Variants in GCM2 observed in about 807,000 individuals in gnomAD.
GCM2 encodes the protein chorion-specific transcription factor GCMb.
GCM2 carries 21 observed loss-of-function variants against 24.8 expected under a neutral mutation model. The ratio of observed to expected loss-of-function variants is 0.85; its 90% CI spans 0.60 to 1.22. The LOEUF is 1.22. GCM2 is among the 50% of genes most tolerant of loss of function. The pLI is 0.00. For missense variants in GCM2, 532 were observed against 645.6 expected (o/e 0.82, Z 1.91); for synonymous variants, 222 against 238.0 (o/e 0.93, Z 0.62).
At chr6:10,876,368 A>G in intron 3 of GCM2, 77 bp downstream of exon 3, 1 of 982,362 alleles carries the variant, frequency 1.0e-6, no homozygotes, top group Admixed American at 1.8e-5. Flanking sequence ...AGGGTTCCCA[A>G]GGCACACGAC....
Position 10,874,281 on chromosome 6 carries a change from G to A in GCM2, c.1235C>T (p.Ser412Leu), listed in dbSNP as rs146478181. The change falls in exon 5 of 5, where the codon TCG becomes TTG. Residue 412 changes from serine (S) to leucine (L), a missense_variant. Ser to Leu is a moderately radical substitution (Grantham distance 145). Coordinates refer to ENST00000379491, the MANE Select transcript of GCM2 (RefSeq NM_004752.4). ...SDSVREVKSL[S>L]SCNYAPEDTG... ...ATCTTCAGGAGCATAGTTACAGCTC[G>A]AAAGGCTCTTCACCTCTCGCACACT... is the stretch of plus-strand genomic sequence containing the variant. 41 of 1,614,206 alleles carry A rather than the reference G, an allele frequency of 2.5e-5. No individual in the cohort carries two copies. Among genetic ancestry groups the A allele is most frequent in the South Asian group, 2.4e-4 (22 of 91,082 alleles).
chr6:10,874,250 C>T lies in GCM2; in HGVS notation c.1266G>A (p.Gly422=). The T allele has an allele frequency of 1.2e-6, 2 of 1,614,180 alleles. No individual in the cohort carries two copies. Among genetic ancestry groups the T allele is most frequent in the Non-Finnish European group, 1.7e-6 (2 of 1,180,034 alleles). The part of the protein sequence containing the change: ...SSCNYAPEDT[G]MSVYPEPWGP... ...CCCAGGGTTCTGGATAGACAGACAT[C>T]CCAGTATCTTCAGGAGCATAGTTAC... Residue 422 remains glycine (G), a synonymous_variant, in exon 5 of 5, where the codon GGG becomes GGA. Coordinates refer to ENST00000379491, the MANE Select transcript of GCM2 (RefSeq NM_004752.4).
Position 10,881,846 on chromosome 6 carries a change from A to C in GCM2, c.-53T>G. 4.9e-6 allele frequency: 7 copies of C among 1,432,948 alleles called. No homozygotes were observed. The highest frequency in any genetic ancestry group is 6.8e-6 in the Non-Finnish European group (7 of 1,027,802). The allele number at this position is 1,432,948 out of a possible 1,614,324, so 88.8% of individuals were successfully genotyped here. A position where few individuals can be genotyped will look rare whatever the true frequency, so the allele number is the denominator to read the frequency against. ...CAGGGTTCTGAAAAATAGAAGAAAAAAGGACAGGTGCGCCAGGTGGGTTTT... is the reference window on the plus strand; with the variant it reads ...CAGGGTTCTGAAAAATAGAAGAAAACAGGACAGGTGCGCCAGGTGGGTTTT... On this transcript the variant is annotated 5_prime_UTR_variant, in exon 1 of 5. Coordinates refer to ENST00000379491, the MANE Select transcript of GCM2 (RefSeq NM_004752.4).
At position 10,874,118 on chromosome 6, in the gene GCM2, C is replaced by T. The variant is rs537546612; in HGVS notation, c.1398G>A (p.Glu466=). Residue 466 remains glutamate (E), a synonymous_variant, in exon 5 of 5, where the codon GAG becomes GAA. Coordinates refer to ENST00000379491, the MANE Select transcript of GCM2 (RefSeq NM_004752.4). ...AIRPTVAIPH[E]PVSSRTDEAE... ...CTTCATCTGTCCTAGAGGAAACTGG[C>T]TCGTGGGGAATAGCCACAGTGGGTC... is the stretch of plus-strand genomic sequence containing the variant. 1.9e-6 allele frequency: 3 copies of T among 1,614,182 alleles called. No homozygotes were observed. The South Asian group carries it at 3.3e-5, about 18-fold the overall frequency.
chr6:10,877,077 AAACAACAAC>A (rs931698636), intron 2 of GCM2, 54 bp downstream of exon 2: 231 of 1,590,896 alleles, frequency 1.5e-4, no homozygotes, highest in Non-Finnish European at 1.5e-4. Context: ...AAACAAACAA[AAACAACAAC>A]AACAAAAAAC....
At chr6:10,876,615 A>G in intron 2 of GCM2, 58 bp from the exon 3 acceptor site, 1 of 1,194,514 alleles carries the variant, frequency 8.4e-7, no homozygotes, top group Admixed American at 1.7e-5. Context: ...CTGAAGGAAG[A>G]AGGGGAAAAT....
chr6:10,878,245 T>C (rs7746464), intron 1 of GCM2, among the ~76,000 whole-genome samples: 2,125 of 152,340 alleles, frequency 0.014, 52 homozygotes, highest in African/African-American at 0.049. Flanking sequence ...GTCAATTTAA[T>C]GCATTATTTA....
At position 10,874,423 on chromosome 6, in the gene GCM2, G is replaced by A. The variant is rs776581807; in HGVS notation, c.1093C>T (p.Pro365Ser). ...GGTGGAGTCGTGAGGTACCTGCAGG[G>A]AAGCTCTGGGTTATAATAAGGGCGA... is the stretch of plus-strand genomic sequence containing the variant. ...ATRPYYNPEL[P>S]CRYLTTPPPG... The change falls in exon 5 of 5, where the codon CCC becomes TCC. Residue 365 changes from proline (P) to serine (S), a missense_variant. This residue lies in a region of GCM2 where 434 missense variants were observed against 521.9 expected (regional missense o/e 0.83). Coordinates refer to ENST00000379491, the MANE Select transcript of GCM2 (RefSeq NM_004752.4). 4 of 1,614,234 alleles carry A rather than the reference G, an allele frequency of 2.5e-6. No homozygotes were observed. The East Asian group carries it at 8.9e-5, about 36-fold the overall frequency.
intron 1 of GCM2, among the ~76,000 whole-genome samples, chr6:10,881,380 A>G (rs1441742939): frequency 6.6e-6 from 1 of 150,536 alleles, no homozygotes; most frequent in Non-Finnish European, 1.5e-5. Context: ...CTGGTCTTGA[A>G]CTCCCGACCT....
chr6:10,876,985 C>G (rs926203982), intron 2 of GCM2, among the ~76,000 whole-genome samples, 155 bp downstream of exon 2: 2 of 152,242 alleles, frequency 1.3e-5, no homozygotes, highest in Non-Finnish European at 2.9e-5. Flanking sequence ...ATCGCTTGAA[C>G]CCGGGAGGCG....
rs1306601548 is a variant in GCM2, at chr6:10,881,940, G to A, written c.-147C>T. On this transcript the variant is annotated 5_prime_UTR_variant, in exon 1 of 5. Transcript: ENST00000379491. ...GTGCAGAGAGAGAGAAAGAGAGAGA[G>A]GCTGTTTAGATATCTGGAAGCTGGG... 40 of 709,722 alleles carry A rather than the reference G, an allele frequency of 5.6e-5. No individual in the cohort carries two copies. Among genetic ancestry groups the A allele is most frequent in the Non-Finnish European group, 2.7e-5 (11 of 400,990 alleles). 44.0% of individuals were successfully genotyped at this position (709,722 alleles called of 1,614,324 possible). A position where few individuals can be genotyped will look rare whatever the true frequency, so the allele number is the denominator to read the frequency against.
At chr6:10,875,093 A>G (rs946376919) in intron 4 of GCM2, among the ~76,000 whole-genome samples, 160 bp from the exon 5 acceptor site, 4 of 152,214 alleles carry the variant, frequency 2.6e-5, no homozygotes, top group Non-Finnish European at 4.4e-5. Flanking sequence ...CACGTGGTCC[A>G]GGGGTTGCTA....
At position 10,873,626 on chromosome 6, in the gene GCM2, A is replaced by G. The variant is rs1372294169; in HGVS notation, c.*369T>C. The G allele has an allele frequency of 3.3e-6, 1 of 304,344 alleles. No individual in the cohort carries two copies. Among genetic ancestry groups the G allele is most frequent in the South Asian group, 3.4e-5 (1 of 29,370 alleles). 18.9% of individuals were successfully genotyped at this position (304,344 alleles called of 1,614,324 possible). On this transcript the variant is annotated 3_prime_UTR_variant, in exon 5 of 5. Transcript: ENST00000379491. ...AGCCTCTAGGGATGTGAAATTCCCTAAGGTGCTCTAATGGGAAAAGTCCTA... is the reference window on the plus strand; with the variant it reads ...AGCCTCTAGGGATGTGAAATTCCCTGAGGTGCTCTAATGGGAAAAGTCCTA...
chr6:10,880,350 A>C (rs539725367), intron 1 of GCM2, among the ~76,000 whole-genome samples: 78 of 152,324 alleles, frequency 5.1e-4, no homozygotes, highest in African/African-American at 1.8e-3. Flanking sequence ...TGGATCCAAA[A>C]AAGTGCTGAC....
chr6:10,881,333 T>A (rs1779954437), intron 1 of GCM2, among the ~76,000 whole-genome samples: 2 of 152,162 alleles, frequency 1.3e-5, no homozygotes, highest in East Asian at 3.9e-4. Flanking sequence ...TGATTTTGTA[T>A]TTTTGGTAGA....
rs533068340 is a variant in GCM2, at chr6:10,880,138, C to T, written c.90+1566G>A. On this transcript the variant is annotated intron_variant, in intron 1 of 4. Coordinates refer to ENST00000379491, the MANE Select transcript of GCM2 (RefSeq NM_004752.4). ...GGCGTGGTGGCGCATGCTTGTAGTCCCAGCTACTCGGGAAGCTGAGGCAAG... is the reference window on the plus strand; with the variant it reads ...GGCGTGGTGGCGCATGCTTGTAGTCTCAGCTACTCGGGAAGCTGAGGCAAG... 2.6e-5 allele frequency among the ~76,000 whole-genome samples: 4 copies of T among 152,186 alleles called. No homozygotes were observed. The South Asian group carries it at 8.3e-4, about 32-fold the overall frequency.
At position 10,874,635 on chromosome 6, in the gene GCM2, T is replaced by A. The variant is rs199951598; in HGVS notation, c.881A>T (p.Asp294Val). 6.2e-7 allele frequency: 1 copy of A among 1,614,218 alleles called. No homozygotes were observed. The highest frequency in any genetic ancestry group is 2.2e-5 in the East Asian group (1 of 44,874). The change falls in exon 5 of 5, where the codon GAT (aspartate) becomes GTT (valine). Residue 294 changes from aspartate to valine, a missense_variant. By Grantham distance (152) the Asp-to-Val change is radical. This residue lies in a region of GCM2 where 434 missense variants were observed against 521.9 expected (regional missense o/e 0.83). Coordinates refer to ENST00000379491, the MANE Select transcript of GCM2 (RefSeq NM_004752.4). Reference protein sequence around the residue: ...NSSPYPTLYKDSTSIPNDTDW... With the variant: ...NSSPYPTLYKVSTSIPNDTDW... Reference sequence around the variant, plus strand: ...TGTGTCATTAGGGATACTGGTGGAATCCTTATAAAGGGTGGGATATGGGCT... The same window carrying A: ...TGTGTCATTAGGGATACTGGTGGAAACCTTATAAAGGGTGGGATATGGGCT...
rs150244671 is a variant in GCM2, at chr6:10,877,303, G to T, written c.180C>A (p.His60Gln). 6.2e-7 allele frequency: 1 copy of T among 1,614,212 alleles called. No individual in the cohort carries two copies. The highest frequency in any genetic ancestry group is 8.5e-7 in the Non-Finnish European group (1 of 1,180,040). ...TGTTGCGCATGGCCCAGCCGCTCAG[G>T]TGACGCTGTGCCTTCTTCTCATCGC... ...YSSDEKKAQRHLSGWAMRNTN... is the reference protein window; with the variant it reads ...YSSDEKKAQRQLSGWAMRNTN... Residue 60 changes from histidine to glutamine, a missense_variant, in exon 2 of 5, where the codon CAC becomes CAA. Transcript: ENST00000379491.
Position 10,874,926 on chromosome 6 carries a change from T to C in GCM2, c.590A>G (p.Glu197Gly). Reference sequence around the variant, plus strand: ...GAAATGACCACTGCTGTCTTGATTTTCTTCTGCCTAGAAAAATGATACAAA... The same window carrying C: ...GAAATGACCACTGCTGTCTTGATTTCCTTCTGCCTAGAAAAATGATACAAA... ...KKRIRESEAE[E>G]NQDSSGHFSN... Residue 197 changes from glutamate to glycine, a missense_variant, in exon 5 of 5, where the codon GAA becomes GGA. Around this residue, in one of 3 missense-constraint regions of GCM2, gnomAD observed 434 missense variants for 521.9 expected, o/e 0.83. Transcript: ENST00000379491. 1 of 1,610,344 alleles carries C rather than the reference T, an allele frequency of 6.2e-7. No individual in the cohort carries two copies.
Sources: allele counts gnomAD v4.1 joint callset (sites outside exome capture counted in the v4.1 genomes callset), GRCh38; gene constraint gnomAD v4.1.1; regional missense constraint gnomAD v4.1.1; transcripts MANE v1.5; gene names NCBI Gene and HGNC (gene_info 2026-07-23, HGNC 2026-07-21).